Variants in CDH7 observed in about 807,000 individuals in gnomAD.
CDH7 encodes the protein cadherin 7, also known as cadherin-7.
A neutral mutation model predicts 71.8 loss-of-function variants in CDH7; 25 were observed. That is an observed-to-expected ratio of 0.35 (90% confidence interval 0.25 to 0.49). The LOEUF is 0.49. CDH7 is among the 20% of genes least tolerant of loss of function. The pLI is 0.99. For missense variants in CDH7, 862 were observed against 974.6 expected (o/e 0.88, Z 1.54); for synonymous variants, 381 against 363.8 (o/e 1.05, Z -0.54).
intron 11 of CDH7, among the ~76,000 whole-genome samples, chr18:65,878,012 C>A (rs548569985): frequency 5.1e-4 from 78 of 151,988 alleles, no homozygotes; most frequent in Non-Finnish European, 8.5e-4. Flanking sequence ...ATGGAGTATG[C>A]CTCACCCCTC....
At chr18:65,837,652 A>T (rs894734026) in intron 6 of CDH7, among the ~76,000 whole-genome samples, 1 of 152,164 alleles carries the variant, frequency 6.6e-6, no homozygotes, top group African/African-American at 2.4e-5. Flanking sequence ...TTCTAAAGAG[A>T]GGTCAGGGGC....
chr18:65,791,851 C>T (rs1910722862), intron 2 of CDH7, among the ~76,000 whole-genome samples: 1 of 152,138 alleles, frequency 6.6e-6, no homozygotes, highest in Non-Finnish European at 1.5e-5. Flanking sequence ...TACAACTTGT[C>T]TGGTTTAAAT....
intron 1 of CDH7, among the ~76,000 whole-genome samples, chr18:65,755,067 T>C (rs1317128922): frequency 1.3e-5 from 2 of 152,218 alleles, no homozygotes. Context: ...TTAAAACTTA[T>C]GGTCGTATAA....
In CDH7 at chr18:65,762,643, A is replaced by G; in HGVS notation, c.-196-4A>G. ...GACACCAGCTCTTCTCTTTGTTCTG[A>G]TAGGTACTTACTACACCATTCTTTG... On this transcript the variant is annotated splice_polypyrimidine_tract_variant and splice_region_variant and intron_variant, in intron 1 of 11. Transcript: ENST00000397968. 4.0e-6 allele frequency: 2 copies of G among 497,368 alleles called. No individual in the cohort carries two copies. The highest frequency in any genetic ancestry group is 6.8e-5 in the Admixed American group (2 of 29,386). The allele number at this position is 497,368 out of a possible 1,614,324, so 30.8% of individuals were successfully genotyped here.
intron 1 of CDH7, among the ~76,000 whole-genome samples, chr18:65,758,909 T>G (rs1159379785): frequency 6.6e-6 from 1 of 152,212 alleles, no homozygotes; most frequent in African/African-American, 2.4e-5. Flanking sequence ...ATAGGGTAGA[T>G]CTCCTTCTTC....
In CDH7 at chr18:65,889,138, C is replaced by T. The variant is rs868774925; in HGVS notation, c.*8244C>T. 4 of 151,970 alleles carry T rather than the reference C, an allele frequency of 2.6e-5. No individual in the cohort carries two copies. The highest frequency in any genetic ancestry group is 9.7e-5 in the African/African-American group (4 of 41,350). 9.4% of individuals were successfully genotyped at this position (151,970 alleles called of 1,614,324 possible). A position where few individuals can be genotyped will look rare whatever the true frequency, so the allele number is the denominator to read the frequency against. ...GGTGGGACATTGTTGTGAGAATGGACGAGAGCACAAAAACACGGCAGACCA... is the reference window on the plus strand; with the variant it reads ...GGTGGGACATTGTTGTGAGAATGGATGAGAGCACAAAAACACGGCAGACCA... On this transcript the variant is annotated 3_prime_UTR_variant, in exon 12 of 12. Transcript: ENST00000397968.
chr18:65,791,045 G>T (rs35419009), intron 2 of CDH7, among the ~76,000 whole-genome samples: 47,811 of 152,016 alleles, frequency 0.31, 7,744 homozygotes, highest in Middle Eastern at 0.45. Flanking sequence ...AATGTAAAAA[G>T]TGTTTAACTT....
At chr18:65,801,111 G>C (rs113459447) in intron 2 of CDH7, among the ~76,000 whole-genome samples, 1 of 152,010 alleles carries the variant, frequency 6.6e-6, no homozygotes, top group Non-Finnish European at 1.5e-5. Flanking sequence ...TGAAGGCGGG[G>C]GTTACTTGAT....
Position 65,880,846 on chromosome 18 carries a change from A to G in CDH7, c.2310A>G (p.Lys770=). The G allele has an allele frequency of 3.7e-6, 6 of 1,614,126 alleles. No homozygotes were observed. Among genetic ancestry groups the G allele is most frequent in the Non-Finnish European group, 5.1e-6 (6 of 1,180,028 alleles). ...TAAGTGACTGGGGACCTCGCTTTAA[A>G]CGACTCGCGGACATGTATGGGACTG... ...DYLSDWGPRF[K]RLADMYGTGQ... The change falls in exon 12 of 12, where the codon AAA becomes AAG. Residue 770 remains lysine (K), a synonymous_variant. Transcript: ENST00000397968.
intron 6 of CDH7, among the ~76,000 whole-genome samples, chr18:65,829,163 A>G (rs929721556): frequency 5.2e-5 from 7 of 135,696 alleles, no homozygotes; most frequent in African/African-American, 1.6e-4. Context: ...TTTGTCGCCC[A>G]GGCTGGAGTG....
chr18:65,869,274 A>G (rs557455395), intron 11 of CDH7, among the ~76,000 whole-genome samples: 1 of 151,888 alleles, frequency 6.6e-6, no homozygotes, highest in South Asian at 2.1e-4. Flanking sequence ...CTCTATCAGA[A>G]CCAATCCGTC....
intron 7 of CDH7, 136 bp from the exon 8 acceptor site, chr18:65,857,680 C>A: frequency 1.3e-6 from 1 of 788,282 alleles, no homozygotes; most frequent in Non-Finnish European, 2.0e-6. Context: ...ACCAGGCATG[C>A]ATTTATGTGA....
intron 4 of CDH7, among the ~76,000 whole-genome samples, chr18:65,819,048 A>G (rs1484406141): frequency 1.3e-5 from 2 of 152,002 alleles, no homozygotes; most frequent in Non-Finnish European, 2.9e-5. Flanking sequence ...AACTGGTAGG[A>G]ACCAGCAGAT....
chr18:65,880,323 T>C (rs1447444562), intron 11 of CDH7, 78 bp from the exon 12 acceptor site: 2 of 1,424,992 alleles, frequency 1.4e-6, no homozygotes, highest in Admixed American at 4.8e-5. Flanking sequence ...TAACTCAGCG[T>C]CCTAGGCCTA....
chr18:65,752,598 T>C (rs892167156), intron 1 of CDH7, among the ~76,000 whole-genome samples: 1 of 152,228 alleles, frequency 6.6e-6, no homozygotes, highest in African/African-American at 2.4e-5. Context: ...CTTTTCTTTA[T>C]TTTTAAGGCT....
At chr18:65,772,925 C>T (rs74888615) in intron 2 of CDH7, among the ~76,000 whole-genome samples, 4,835 of 152,172 alleles carry the variant, frequency 0.032, 225 homozygotes, top group East Asian at 0.26. Context: ...AAACAATATT[C>T]GAATGATTAA....
intron 2 of CDH7, among the ~76,000 whole-genome samples, chr18:65,799,376 G>A (rs1299615467): frequency 6.6e-6 from 1 of 151,968 alleles, no homozygotes; most frequent in East Asian, 1.9e-4. Context: ...CAACAGGAGT[G>A]AGGTAAGAAG....
chr18:65,868,653 C>A (rs1037109894), intron 11 of CDH7, among the ~76,000 whole-genome samples: 2 of 152,114 alleles, frequency 1.3e-5, no homozygotes, highest in African/African-American at 4.8e-5. Flanking sequence ...CTTCCAATTC[C>A]TTCCAGTCTT....
At chr18:65,837,617 GA>G (rs755012984) in intron 6 of CDH7, among the ~76,000 whole-genome samples, 1 of 152,026 alleles carries the variant, frequency 6.6e-6, no homozygotes. Context: ...TAAAAGGGCA[GA>G]AAAAAGATTT....
Sources: allele counts gnomAD v4.1 joint callset (sites outside exome capture counted in the v4.1 genomes callset), GRCh38; gene constraint gnomAD v4.1.1; transcripts MANE v1.5; gene names NCBI Gene and HGNC (gene_info 2026-07-23, HGNC 2026-07-21).